Variants in PTPRN2 observed in about 807,000 individuals in gnomAD.
PTPRN2 encodes the protein receptor-type tyrosine-protein phosphatase N2.
In PTPRN2, 74 loss-of-function variants were observed where a neutral mutation model predicts 118.8. The observed-to-expected ratio is 0.62, with a 90% CI of 0.52 to 0.76. The LOEUF is 0.76. Among genes scored for constraint, PTPRN2 ranks in the 30% least tolerant of loss-of-function variants. The probability of loss-of-function intolerance (pLI) is 0.00; values close to 1 mark genes in which losing one functional copy is unlikely to be tolerated. For missense variants in PTPRN2, 1,481 were observed against 1,394.4 expected (o/e 1.06, Z -0.99); for synonymous variants, 641 against 608.0 (o/e 1.05, Z -0.80).
Position 158,089,698 on chromosome 7 carries a change from G to A in PTPRN2, c.1644-8321C>T, listed in dbSNP as rs201349895. Among the ~76,000 whole-genome samples, 544 of 95,644 alleles carry A rather than the reference G, an allele frequency of 5.7e-3. 18 individuals carry two copies. The highest frequency in any genetic ancestry group is 7.9e-3 in the East Asian group (22 of 2,790). 62.7% of individuals were successfully genotyped at this position (95,644 alleles called of 152,430 possible). A position where few individuals can be genotyped will look rare whatever the true frequency, so the allele number is the denominator to read the frequency against. ...ACCTTCTTCCCCTGATGAAAGAGGG[G>A]GTCTTCACACACATCCTTCCTCCCC... On this transcript the variant is annotated intron_variant, in intron 10 of 22. Coordinates refer to ENST00000389418, the MANE Select transcript of PTPRN2 (RefSeq NM_002847.5).
At chr7:158,496,065 C>G (rs1025044247) in intron 1 of PTPRN2, among the ~76,000 whole-genome samples, 1 of 151,874 alleles carries the variant, frequency 6.6e-6, no homozygotes, top group African/African-American at 2.4e-5. Context: ...CAGCGCTCAG[C>G]CCCTCTGCTG....
chr7:158,287,698 G>C (rs1799854606), intron 3 of PTPRN2, among the ~76,000 whole-genome samples: 1 of 151,996 alleles, frequency 6.6e-6, no homozygotes, highest in Non-Finnish European at 1.5e-5. Flanking sequence ...AATGTGATTT[G>C]AATCTTCTTA....
At chr7:157,930,737 A>C (rs996414647) in intron 11 of PTPRN2, among the ~76,000 whole-genome samples, 1 of 152,224 alleles carries the variant, frequency 6.6e-6, no homozygotes, top group African/African-American at 2.4e-5. Context: ...CACCAGCCCC[A>C]CAGGTGAGCC....
At chr7:158,411,563 TG>T (rs1297746050) in intron 2 of PTPRN2, among the ~76,000 whole-genome samples, 2 of 152,188 alleles carry the variant, frequency 1.3e-5, no homozygotes, top group Non-Finnish European at 2.9e-5. Context: ...CCGTGGGAGA[TG>T]GGATCCCCCA....
At chr7:157,683,019 A>C in intron 12 of PTPRN2, 82 bp from the exon 13 acceptor site, 1 of 1,255,980 alleles carries the variant, frequency 8.0e-7, no homozygotes, top group Non-Finnish European at 1.1e-6. Flanking sequence ...ATGCAACTTG[A>C]AAGTGGAAAG....
At chr7:158,173,581 A>G (rs947920573) in intron 5 of PTPRN2, among the ~76,000 whole-genome samples, 1 of 152,194 alleles carries the variant, frequency 6.6e-6, no homozygotes, top group Non-Finnish European at 1.5e-5. Context: ...TCTTAACAGG[A>G]AACAGGGTTC....
Position 157,856,305 on chromosome 7 carries a change from T to C in PTPRN2, c.1788+42368A>G, listed in dbSNP as rs563044203. Reference sequence around the variant, plus strand: ...TTGTCTGAAACATTTCACACGGCAATGAAACTATTTCCAAATATTCATTTT... The same window carrying C: ...TTGTCTGAAACATTTCACACGGCAACGAAACTATTTCCAAATATTCATTTT... On this transcript the variant is annotated intron_variant, in intron 12 of 22. Coordinates refer to ENST00000389418, the MANE Select transcript of PTPRN2 (RefSeq NM_002847.5). Among the ~76,000 whole-genome samples the C allele has an allele frequency of 2.7e-4, 41 of 152,362 alleles. No individual in the cohort carries two copies. The South Asian group carries it at 3.7e-3, about 14-fold the overall frequency.
intron 11 of PTPRN2, among the ~76,000 whole-genome samples, chr7:157,901,015 G>C (rs1797405117): frequency 6.6e-6 from 1 of 152,234 alleles, no homozygotes; most frequent in Non-Finnish European, 1.5e-5. Context: ...CATGGCACAG[G>C]TGTCTGCATC....
At chr7:157,800,586 C>A (rs1406644052) in intron 12 of PTPRN2, among the ~76,000 whole-genome samples, 3 of 152,166 alleles carry the variant, frequency 2.0e-5, no homozygotes, top group Admixed American at 1.3e-4. Flanking sequence ...ACCTCTTGTA[C>A]CTTGTTCACT....
intron 12 of PTPRN2, chr7:157,865,531 C>A (rs1241271013): frequency 1.3e-5 from 2 of 152,268 alleles, no homozygotes; most frequent in African/African-American, 4.8e-5. Context: ...CAAAGCTGGT[C>A]TGACTGTGCC....
At chr7:158,096,341 G>A (rs1814625007) in intron 10 of PTPRN2, among the ~76,000 whole-genome samples, 1 of 152,112 alleles carries the variant, frequency 6.6e-6, no homozygotes, top group African/African-American at 2.4e-5. Context: ...ATCCTTGTGG[G>A]GAAACTGAGG....
At chr7:158,326,575 C>T (rs922683205) in intron 2 of PTPRN2, among the ~76,000 whole-genome samples, 1 of 152,212 alleles carries the variant, frequency 6.6e-6, no homozygotes, top group Admixed American at 6.5e-5. Context: ...TTCTCACATA[C>T]ACGTCCTCAC....
chr7:158,440,517 T>C (rs1563293741), intron 2 of PTPRN2, among the ~76,000 whole-genome samples: 1 of 148,096 alleles, frequency 6.8e-6, no homozygotes, highest in Non-Finnish European at 1.5e-5. Context: ...ATAGGGGTGA[T>C]AGTGGTGATG....
At position 157,671,852 on chromosome 7, in the gene PTPRN2, G is replaced by C. The variant is rs1168103321; in HGVS notation, c.2001+10873C>G. ...AAGGCCAGGGTCTGGGGGCCTGCTG[G>C]GAATCCCGGTCTCAGAGGTCTCAGC... is the stretch of plus-strand genomic sequence containing the variant. On this transcript the variant is annotated intron_variant, in intron 13 of 22. Coordinates refer to ENST00000389418, the MANE Select transcript of PTPRN2 (RefSeq NM_002847.5). This position sits in a 1 kb window ranked among gnomAD's most constrained non-coding sequence, Gnocchi z 4.1. 6.6e-6 allele frequency among the ~76,000 whole-genome samples: 1 copy of C among 152,144 alleles called. No homozygotes were observed. The highest frequency in any genetic ancestry group is 1.5e-5 in the Non-Finnish European group (1 of 68,024).
At chr7:158,394,636 C>T (rs1199692945) in intron 2 of PTPRN2, among the ~76,000 whole-genome samples, 1 of 152,260 alleles carries the variant, frequency 6.6e-6, no homozygotes, top group Middle Eastern at 3.2e-3. Flanking sequence ...AGGCACAAAA[C>T]TCACTCATTG....
chr7:157,823,894 G>A (rs1267988843), intron 12 of PTPRN2, among the ~76,000 whole-genome samples: 3 of 152,194 alleles, frequency 2.0e-5, no homozygotes, highest in Admixed American at 1.3e-4. Context: ...GGAGGGCAAA[G>A]TGGGGAGGAG....
intron 22 of PTPRN2, among the ~76,000 whole-genome samples, 189 bp downstream of exon 22, chr7:157,548,757 G>A (rs1339632157): frequency 3.3e-5 from 5 of 152,162 alleles, no homozygotes; most frequent in Non-Finnish European, 7.4e-5. Context: ...TGCAGGAAAC[G>A]CCAGTGGACC....
In PTPRN2 at chr7:158,366,071, G is replaced by A. The variant is rs559631832; in HGVS notation, c.164-49139C>T. ...AGAAGCTGCAGCCCAATGCACGCGT[G>A]CACACACACACGCACACACACACAG... is the stretch of plus-strand genomic sequence containing the variant. On this transcript the variant is annotated intron_variant, in intron 2 of 22. Transcript: ENST00000389418. Among the ~76,000 whole-genome samples, 160 of 133,824 alleles carry A rather than the reference G, an allele frequency of 1.2e-3. 4 individuals are homozygous for A. The highest frequency in any genetic ancestry group is 4.4e-3 in the African/African-American group (154 of 34,922). The allele number at this position is 133,824 out of a possible 152,430, so 87.8% of individuals were successfully genotyped here. A position where few individuals can be genotyped will look rare whatever the true frequency, so the allele number is the denominator to read the frequency against.
Position 158,081,302 on chromosome 7 carries a change from G to T in PTPRN2, c.1719C>A (p.Ala573=). Reference sequence around the variant, plus strand: ...TGTGTGTGGAAACAGCCTCACCTGTGGCCTTCTCCACATCCTCAGTGGTCA... The same window carrying T: ...TGTGTGTGGAAACAGCCTCACCTGTTGCCTTCTCCACATCCTCAGTGGTCA... ...QNVTTEDVEK[A]TVDNKDKLEE... The change falls in exon 11 of 23, where the codon GCC becomes GCA. Residue 573 remains alanine, a synonymous_variant. Transcript: ENST00000389418. 1 of 1,613,840 alleles carries T rather than the reference G, an allele frequency of 6.2e-7. No individual in the cohort carries two copies. Among genetic ancestry groups the T allele is most frequent in the East Asian group, 2.2e-5 (1 of 44,880 alleles).
Sources: gnomAD v4.1 joint callset for allele counts (sites outside exome capture counted in the v4.1 genomes callset) on GRCh38, gnomAD v4.1.1 for gene constraint, Gnocchi (gnomAD v3.1) non-coding constraint, MANE v1.5 for transcripts, NCBI Gene and HGNC (gene_info 2026-07-23, HGNC 2026-07-21) for gene names.